The following STK32B variants were observed in gnomAD, a reference collection of about 807,000 sequenced individuals.
STK32B encodes the protein serine/threonine-protein kinase 32B.
STK32B carries 43 observed loss-of-function variants against 52.6 expected under a neutral mutation model. That is an observed-to-expected ratio of 0.82 (90% CI 0.64 to 1.05). The LOEUF (loss-of-function observed/expected upper bound fraction) is 1.05. Ranked by LOEUF, STK32B falls within the 50% of genes least tolerant of loss-of-function variation. STK32B has a pLI of 0.00. For synonymous variants in STK32B, 238 were observed against 204.3 expected (o/e 1.17, Z -1.41); for missense variants, 621 against 534.6 (o/e 1.16, Z -1.59).
At chr4:5,115,225 C>T (rs1714649858) in intron 1 of STK32B, among the ~76,000 whole-genome samples, 1 of 152,128 alleles carries the variant, frequency 6.6e-6, no homozygotes, top group East Asian at 1.9e-4. Flanking sequence ...AACTCATTCT[C>T]CAACTTGGAA....
At chr4:5,437,349 A>T (rs1714175369) in intron 6 of STK32B, among the ~76,000 whole-genome samples, 1 of 152,238 alleles carries the variant, frequency 6.6e-6, no homozygotes, top group African/African-American at 2.4e-5. Flanking sequence ...CTCAGAAGCC[A>T]CGGGAGGATT....
At chr4:5,081,803 C>T (rs1712447962) in intron 1 of STK32B, among the ~76,000 whole-genome samples, 1 of 152,136 alleles carries the variant, frequency 6.6e-6, no homozygotes, top group Non-Finnish European at 1.5e-5. Flanking sequence ...ATTGAGTTTT[C>T]TGTGTTCTCC....
chr4:5,364,772 A>G (rs1577399216), intron 4 of STK32B, among the ~76,000 whole-genome samples: 1 of 152,122 alleles, frequency 6.6e-6, no homozygotes, highest in Non-Finnish European at 1.5e-5. Context: ...TCCAGTCCCA[A>G]CCCACACATA....
intron 1 of STK32B, among the ~76,000 whole-genome samples, chr4:5,066,922 A>G (rs577642802): frequency 1.3e-5 from 2 of 152,320 alleles, no homozygotes; most frequent in South Asian, 2.1e-4. Context: ...AAATTATCAC[A>G]TGCTCCTTCA....
At chr4:5,033,397 G>C in the STK32B span, among the ~76,000 whole-genome samples, 5 of 152,176 alleles carry the variant, frequency 3.3e-5, no homozygotes, top group Non-Finnish European at 7.3e-5. Flanking sequence ...GAAGCATTTT[G>C]AGTGTTTTGG....
chr4:5,021,098 AG>A, the STK32B span, among the ~76,000 whole-genome samples: 1 of 152,234 alleles, frequency 6.6e-6, no homozygotes, highest in Non-Finnish European at 1.5e-5. Flanking sequence ...GATCAACCAC[AG>A]GGATGAAGCC....
At chr4:5,397,966 A>G (rs1737026585) in intron 4 of STK32B, among the ~76,000 whole-genome samples, 1 of 152,264 alleles carries the variant, frequency 6.6e-6, no homozygotes, top group African/African-American at 2.4e-5. Context: ...CTAAAAATTA[A>G]GAATATTCAG....
intron 1 of STK32B, among the ~76,000 whole-genome samples, chr4:5,138,078 T>A (rs1304033510): frequency 6.6e-6 from 1 of 152,198 alleles, no homozygotes; most frequent in Non-Finnish European, 1.5e-5. Flanking sequence ...TTTTTTTCCC[T>A]CTTCTCTGAT....
intron 3 of STK32B, among the ~76,000 whole-genome samples, chr4:5,279,767 C>T (rs763083826): frequency 4.6e-5 from 7 of 152,218 alleles, no homozygotes; most frequent in Non-Finnish European, 7.3e-5. Flanking sequence ...TTTGTGCACT[C>T]GCTGTCTCAA....
chr4:5,315,805 A>C (rs983817160), intron 3 of STK32B, among the ~76,000 whole-genome samples: 9 of 151,476 alleles, frequency 5.9e-5, no homozygotes, highest in African/African-American at 2.2e-4. Flanking sequence ...CCTGGGTTCA[A>C]GCTATTCTCC....
At chr4:5,342,606 C>A (rs1733160613) in intron 4 of STK32B, among the ~76,000 whole-genome samples, 1 of 152,106 alleles carries the variant, frequency 6.6e-6, no homozygotes, top group African/African-American at 2.4e-5. Flanking sequence ...CATGAGAAAT[C>A]TCTCCCCAGG....
rs554440066 is a variant in STK32B at position 5,358,259 on chromosome 4, A to C, written c.434+26866A>C. Among the ~76,000 whole-genome samples, 5 of 152,370 alleles carry C rather than the reference A, an allele frequency of 3.3e-5. No homozygotes were observed. The South Asian group carries it at 8.3e-4, about 25-fold the overall frequency. ...TGGGTCGTAAGTTAACGTCAGAGAA[A>C]CTGGAATGAAATCTGAGAGCAGAAT... is the stretch of plus-strand genomic sequence containing the variant. On this transcript the variant is annotated intron_variant, in intron 4 of 11. Coordinates refer to ENST00000282908, the MANE Select transcript of STK32B (RefSeq NM_018401.3).
intron 3 of STK32B, among the ~76,000 whole-genome samples, chr4:5,218,279 A>C (rs765138511): frequency 6.6e-6 from 1 of 152,226 alleles, no homozygotes; most frequent in African/African-American, 2.4e-5. Context: ...GCTGATTTGT[A>C]GTTTTAAAAG....
chr4:5,152,239 G>A (rs9998162), intron 2 of STK32B, among the ~76,000 whole-genome samples: 49,433 of 152,104 alleles, frequency 0.32, 9,458 homozygotes, highest in Non-Finnish European at 0.44. Context: ...AAGAGATGGC[G>A]TTTTGTTGGT....
At chr4:5,239,775 T>C (rs1015821435) in intron 3 of STK32B, among the ~76,000 whole-genome samples, 2 of 151,696 alleles carry the variant, frequency 1.3e-5, no homozygotes, top group Non-Finnish European at 2.9e-5. Context: ...TTTTTTTTTC[T>C]GGAATGAATG....
chr4:5,293,300 T>C (rs148259869), intron 3 of STK32B, among the ~76,000 whole-genome samples: 20,737 of 152,000 alleles, frequency 0.14, 2,826 homozygotes, highest in African/African-American at 0.35. Flanking sequence ...TTTGGGTATA[T>C]ACCCAGTAAT....
intron 3 of STK32B, among the ~76,000 whole-genome samples, chr4:5,207,254 C>T (rs1391215014): frequency 6.6e-6 from 1 of 152,196 alleles, no homozygotes; most frequent in Non-Finnish European, 1.5e-5. Context: ...ACCCAAATCT[C>T]ATCTTGAATT....
intron 6 of STK32B, among the ~76,000 whole-genome samples, chr4:5,434,719 G>A (rs1713896796): frequency 1.3e-5 from 2 of 152,116 alleles, no homozygotes; most frequent in African/African-American, 2.4e-5. Context: ...ACACTCATGA[G>A]ATAACACATA....
intron 1 of STK32B, among the ~76,000 whole-genome samples, chr4:5,128,313 A>G (rs1715536811): frequency 6.6e-6 from 1 of 152,236 alleles, no homozygotes; most frequent in Non-Finnish European, 1.5e-5. Context: ...GGAAGGAGGT[A>G]TGCATAAGGC....
Sources: gnomAD v4.1 joint callset for allele counts (sites outside exome capture counted in the v4.1 genomes callset) on GRCh38, gnomAD v4.1.1 for gene constraint, MANE v1.5 for transcripts, NCBI Gene and HGNC (gene_info 2026-07-23, HGNC 2026-07-21) for gene names.